The following SV2C variants were observed in gnomAD, a reference collection of about 807,000 sequenced individuals.
SV2C encodes synaptic vesicle glycoprotein 2C, also known as solute carrier family 22 member B3.
In SV2C, 49 loss-of-function variants were observed where a neutral mutation model predicts 79.7. The observed-to-expected ratio is 0.61, with a 90% CI of 0.49 to 0.78. The LOEUF is 0.78. SV2C is among the 30% of genes least tolerant of loss of function. The pLI, the probability that SV2C is intolerant of heterozygous loss-of-function variation, is 0.00. For synonymous variants in SV2C, 334 were observed against 333.2 expected, an observed-to-expected ratio of 1.00 and a Z score of -0.03; for missense variants, 833 against 912.9, an observed-to-expected ratio of 0.91 and a Z score of 1.13.
intron 1 of SV2C, among the ~76,000 whole-genome samples, chr5:76,104,801 G>A (rs1747854980): frequency 6.6e-6 from 1 of 152,128 alleles, no homozygotes; most frequent in South Asian, 2.1e-4. Flanking sequence ...GAGGAAGAAG[G>A]GACCTGCTCT....
At chr5:76,336,717 C>T (rs1749337335), downstream of SV2C, among the ~76,000 whole-genome samples, 1 of 152,180 alleles carries the variant, frequency 6.6e-6, no homozygotes, top group African/African-American at 2.4e-5. Context: ...ACAGCGAAAC[C>T]CCGTCTCCAC....
At chr5:76,238,441 G>T (rs993435360) in intron 4 of SV2C, among the ~76,000 whole-genome samples, 1 of 152,044 alleles carries the variant, frequency 6.6e-6, no homozygotes, top group African/African-American at 2.4e-5. Context: ...TCCGCGTTTT[G>T]TTCCCTGTAG....
At chr5:76,307,409 T>C (rs147171633) in intron 12 of SV2C, among the ~76,000 whole-genome samples, 277 of 152,250 alleles carry the variant, frequency 1.8e-3, no homozygotes, top group African/African-American at 6.1e-3. Flanking sequence ...CAGAGGGGAC[T>C]TCCTTATTAT....
At chr5:75,859,574 A>C in the SV2C span, among the ~76,000 whole-genome samples, 41 of 152,144 alleles carry the variant, frequency 2.7e-4, no homozygotes, top group Non-Finnish European at 2.2e-4. Flanking sequence ...CCCCTGTGTG[A>C]GACACCCATG....
At chr5:75,911,510 C>T in the SV2C span, 2 of 725,848 alleles carry the variant, frequency 2.8e-6, no homozygotes, top group Admixed American at 2.4e-5. Flanking sequence ...GGTTCAACCA[C>T]TGGCCCTAGG....
chr5:76,107,938 C>A (rs1340797336), intron 1 of SV2C, among the ~76,000 whole-genome samples: 1 of 152,110 alleles, frequency 6.6e-6, no homozygotes, highest in Admixed American at 6.6e-5. Flanking sequence ...ATGTTTAATT[C>A]TTGAAGTCGG....
chr5:76,285,798 A>C lies in SV2C; in HGVS notation c.1065A>C (p.Glu355Asp). The change falls in exon 6 of 13, where the codon GAA becomes GAC. Residue 355 changes from glutamate (E) to aspartate (D), a missense_variant. Physicochemically the swap from Glu to Asp is conservative, Grantham distance 45. Transcript: ENST00000502798. ...RFLLEVGKHD[E>D]AWMILKLIHD... Reference sequence around the variant, plus strand: ...TTTCTTAGGTTGGAAAACATGATGAAGCTTGGATGATTCTGAAGTTAATTC... The same window carrying C: ...TTTCTTAGGTTGGAAAACATGATGACGCTTGGATGATTCTGAAGTTAATTC... 5 of 1,614,004 alleles carry C rather than the reference A, an allele frequency of 3.1e-6. No individual in the cohort carries two copies. Among genetic ancestry groups the C allele is most frequent in the Non-Finnish European group, 4.2e-6 (5 of 1,179,976 alleles).
the SV2C span, among the ~76,000 whole-genome samples, chr5:76,016,384 A>G: frequency 1.3e-5 from 2 of 151,818 alleles, no homozygotes; most frequent in Non-Finnish European, 2.9e-5. Context: ...ACCAACCTGG[A>G]GAGGGGCAGT....
At chr5:76,002,764 A>T in the SV2C span, among the ~76,000 whole-genome samples, 1 of 152,218 alleles carries the variant, frequency 6.6e-6, no homozygotes, top group Non-Finnish European at 1.5e-5. Flanking sequence ...AGTTGGGTGA[A>T]GGTAATTATG....
At chr5:75,971,743 A>C in the SV2C span, among the ~76,000 whole-genome samples, 7 of 152,164 alleles carry the variant, frequency 4.6e-5, no homozygotes, top group Admixed American at 4.6e-4. Flanking sequence ...GAAAATGGCC[A>C]TACTGCCCAA....
chr5:76,337,260 A>G (rs931888733), downstream of SV2C, among the ~76,000 whole-genome samples: 3 of 152,090 alleles, frequency 2.0e-5, no homozygotes, highest in African/African-American at 7.2e-5. Flanking sequence ...CTGTGTCTTC[A>G]GATAGTCTTC....
the SV2C span, among the ~76,000 whole-genome samples, chr5:75,991,629 G>GAT: frequency 3.4e-5 from 5 of 145,772 alleles, no homozygotes; most frequent in African/African-American, 1.0e-4. Flanking sequence ...AAAACCATCA[G>GAT]ATATATATAT....
chr5:75,982,443 T>A, the SV2C span, among the ~76,000 whole-genome samples: 1 of 152,052 alleles, frequency 6.6e-6, no homozygotes, highest in Non-Finnish European at 1.5e-5. Context: ...GAATGGCTAT[T>A]ATTTAAAAGT....
At chr5:76,217,671 G>A (rs984716147) in intron 4 of SV2C, among the ~76,000 whole-genome samples, 4 of 151,946 alleles carry the variant, frequency 2.6e-5, no homozygotes, top group African/African-American at 9.7e-5. Context: ...CAGCCCAAAT[G>A]TGAGCTACAT....
intron 1 of SV2C, among the ~76,000 whole-genome samples, chr5:76,107,280 A>G (rs1259630573): frequency 1.3e-5 from 2 of 152,158 alleles, no homozygotes; most frequent in African/African-American, 4.8e-5. Context: ...AATTCCAACA[A>G]TTTGAGAGTG....
At chr5:75,932,519 GC>G in the SV2C span, among the ~76,000 whole-genome samples, 1 of 152,220 alleles carries the variant, frequency 6.6e-6, no homozygotes, top group Non-Finnish European at 1.5e-5. Context: ...TTTATTGACA[GC>G]AAGCCAGTGA....
chr5:76,183,974 T>C (rs1743830090), intron 2 of SV2C, among the ~76,000 whole-genome samples: 1 of 152,194 alleles, frequency 6.6e-6, no homozygotes, highest in South Asian at 2.1e-4. Context: ...TTTCATTCTG[T>C]GGTAATTACT....
At chr5:76,344,229 G>A (rs1749495480) in intron 12 of SV2C, among the ~76,000 whole-genome samples, 1 of 152,096 alleles carries the variant, frequency 6.6e-6, no homozygotes, top group Non-Finnish European at 1.5e-5. Flanking sequence ...GATTTTAAGT[G>A]CCAAGATCAC....
the SV2C span, among the ~76,000 whole-genome samples, chr5:75,907,472 G>A: frequency 2.2e-4 from 34 of 152,274 alleles, no homozygotes; most frequent in African/African-American, 7.2e-4. Context: ...GAGCAGCGCG[G>A]TGGGATGGGG....
Sources: allele counts gnomAD v4.1 joint callset (sites outside exome capture counted in the v4.1 genomes callset), GRCh38; gene constraint gnomAD v4.1.1; transcripts MANE v1.5; gene names NCBI Gene and HGNC (gene_info 2026-07-23, HGNC 2026-07-21).